The following ALK variants were observed in gnomAD, a reference collection of about 807,000 sequenced individuals.
ALK encodes ALK tyrosine kinase receptor.
ALK carries 74 observed loss-of-function variants against 163.1 expected under a neutral mutation model. The observed-to-expected ratio is 0.45, with a 90% confidence interval of 0.38 to 0.55. The LOEUF is 0.55. Among genes scored for constraint, ALK ranks in the 20% least tolerant of loss-of-function variants. The pLI is 0.00. For missense variants in ALK, 2,063 were observed against 2,105.3 expected (o/e 0.98, Z 0.39); for synonymous variants, 960 against 843.2 (o/e 1.14, Z -2.40).
At chr2:29,274,832 G>T (rs1195856559) in intron 11 of ALK, among the ~76,000 whole-genome samples, 1 of 152,170 alleles carries the variant, frequency 6.6e-6, no homozygotes, top group Non-Finnish European at 1.5e-5. Context: ...TGCCAGCTTG[G>T]TTCTCTCCTT....
chr2:29,457,955 T>C (rs1670999219), intron 4 of ALK, among the ~76,000 whole-genome samples: 1 of 152,112 alleles, frequency 6.6e-6, no homozygotes, highest in Admixed American at 6.6e-5. Flanking sequence ...TCATCAATAC[T>C]TTAGGAAGTC....
chr2:29,802,316 TGGGAG>T (rs1664487521), intron 1 of ALK, among the ~76,000 whole-genome samples: 1 of 28,790 alleles, frequency 3.5e-5, no homozygotes, highest in Admixed American at 4.3e-4. Flanking sequence ...GGGAAGGGGA[TGGGAG>T]GGGAGAGGAG....
At chr2:29,431,227 C>G (rs551170598) in intron 4 of ALK, among the ~76,000 whole-genome samples, 1 of 152,216 alleles carries the variant, frequency 6.6e-6, no homozygotes, top group East Asian at 1.9e-4. Context: ...GTTTGAAAAT[C>G]TAACCAAATG....
At chr2:29,536,679 G>T (rs535875046) in intron 3 of ALK, among the ~76,000 whole-genome samples, 13 of 152,124 alleles carry the variant, frequency 8.5e-5, no homozygotes, top group African/African-American at 3.1e-4. Flanking sequence ...GAATTTGGGC[G>T]GGAGAAGCTC....
intron 3 of ALK, among the ~76,000 whole-genome samples, chr2:29,584,246 T>C (rs1279802023): frequency 6.6e-6 from 1 of 152,210 alleles, no homozygotes; most frequent in African/African-American, 2.4e-5. Context: ...CATTCCATGA[T>C]AGGAACCCTC....
intron 1 of ALK, among the ~76,000 whole-genome samples, chr2:29,816,965 C>T (rs1664914416): frequency 6.6e-6 from 1 of 152,164 alleles, no homozygotes; most frequent in African/African-American, 2.4e-5. Flanking sequence ...TATTGAGTGC[C>T]TAACTTTGGG....
chr2:29,230,157 T>C (rs1244491478), intron 15 of ALK, among the ~76,000 whole-genome samples: 1 of 152,124 alleles, frequency 6.6e-6, no homozygotes, highest in Non-Finnish European at 1.5e-5. Flanking sequence ...AGTGGCATAG[T>C]ATTTGCACAT....
At chr2:29,811,327 C>A (rs1228099706) in intron 1 of ALK, among the ~76,000 whole-genome samples, 1 of 152,102 alleles carries the variant, frequency 6.6e-6, no homozygotes, top group East Asian at 1.9e-4. Context: ...GATGGAAAGC[C>A]AGGGTCTCTC....
chr2:29,435,547 CT>C (rs1331919228), intron 4 of ALK, among the ~76,000 whole-genome samples: 2 of 151,998 alleles, frequency 1.3e-5, no homozygotes, highest in African/African-American at 4.8e-5. Flanking sequence ...ATATTACCCC[CT>C]CTCCCAATCT....
At chr2:29,364,938 GA>G (rs1668467108) in intron 5 of ALK, among the ~76,000 whole-genome samples, 1 of 152,174 alleles carries the variant, frequency 6.6e-6, no homozygotes, top group African/African-American at 2.4e-5. Flanking sequence ...AGCTTGTTTT[GA>G]ACATTTCTTG....
At chr2:29,608,272 T>C (rs773417919) in intron 3 of ALK, among the ~76,000 whole-genome samples, 19 of 152,240 alleles carry the variant, frequency 1.2e-4, no homozygotes, top group Non-Finnish European at 2.4e-4. Flanking sequence ...GTTAGCTGTC[T>C]GTCTTCCCTC....
intron 1 of ALK, among the ~76,000 whole-genome samples, chr2:29,738,876 A>C (rs1276583012): frequency 6.6e-6 from 1 of 152,098 alleles, no homozygotes; most frequent in Non-Finnish European, 1.5e-5. Context: ...ATCCAGTTCC[A>C]AAAATAGCAA....
In ALK at chr2:29,222,568, G is replaced by A. The variant is rs1294436101; in HGVS notation, c.3399C>T (p.Gly1133=). The change falls in exon 21 of 29, where the codon GGC becomes GGT. Residue 1133 remains glycine (G), a synonymous_variant. Transcript: ENST00000389048. The stretch of plus-strand genomic sequence containing the variant: ...GGTCGTTGGGCATTCCGGACACCTG[G>A]CCTTCATACACCTCCCCAAAGGCGC... ...GHGAFGEVYE[G]QVSGMPNDPS... 3 of 1,613,952 alleles carry A rather than the reference G, an allele frequency of 1.9e-6. No individual in the cohort carries two copies. The highest frequency in any genetic ancestry group is 2.5e-6 in the Non-Finnish European group (3 of 1,180,032).
At chr2:29,839,535 T>A (rs1313021372) in intron 1 of ALK, among the ~76,000 whole-genome samples, 1 of 152,128 alleles carries the variant, frequency 6.6e-6, no homozygotes, top group Non-Finnish European at 1.5e-5. Flanking sequence ...TTATGGAAAT[T>A]TCAGAGTCAG....
Position 29,426,703 on chromosome 2 carries a change from T to C in ALK, c.1155-42844A>G, listed in dbSNP as rs188608653. On this transcript the variant is annotated intron_variant, in intron 4 of 28. Transcript: ENST00000389048. ...TAACTATGTAATTATAAAAGACTTT[T>C]TTAATACATAGTTCTTGTCCTTCTT... Among the ~76,000 whole-genome samples, 622 of 152,256 alleles carry C rather than the reference T, an allele frequency of 4.1e-3. 9 individuals carry two copies. Among genetic ancestry groups the C allele is most frequent in the African/African-American group, 0.014 (592 of 41,548 alleles).
At chr2:29,729,664 C>A (rs945389685) in intron 1 of ALK, among the ~76,000 whole-genome samples, 1 of 152,226 alleles carries the variant, frequency 6.6e-6, no homozygotes, top group African/African-American at 2.4e-5. Flanking sequence ...CTCCCACCCC[C>A]TCCAAATCGC....
At position 29,702,885 on chromosome 2, in the gene ALK, A is replaced by C. The variant is rs182123691; in HGVS notation, c.788-7871T>G. ...CCACTGGGTCTGTCCCATGACATGT[A>C]GGGATTATGGGAGCTACAATTCAAG... On this transcript the variant is annotated intron_variant, in intron 2 of 28. Coordinates refer to ENST00000389048, the MANE Select transcript of ALK (RefSeq NM_004304.5). Among the ~76,000 whole-genome samples the C allele has an allele frequency of 2.0e-5, 3 of 152,332 alleles. No individual in the cohort carries two copies. The East Asian group carries it at 5.8e-4, about 29-fold the overall frequency.
intron 3 of ALK, among the ~76,000 whole-genome samples, chr2:29,648,075 C>A (rs1378339159): frequency 6.6e-6 from 1 of 152,094 alleles, no homozygotes; most frequent in African/African-American, 2.4e-5. Context: ...TGTGTTCAAC[C>A]CTCTCCATGA....
At chr2:29,735,189 GC>G (rs1219994447) in intron 1 of ALK, among the ~76,000 whole-genome samples, 7 of 151,136 alleles carry the variant, frequency 4.6e-5, no homozygotes, top group Non-Finnish European at 1.0e-4. Flanking sequence ...GCAAGAGAAA[GC>G]CCTACAGGGG....
Sources: gnomAD v4.1 joint callset for allele counts (sites outside exome capture counted in the v4.1 genomes callset) on GRCh38, gnomAD v4.1.1 for gene constraint, MANE v1.5 for transcripts, NCBI Gene and HGNC (gene_info 2026-07-23, HGNC 2026-07-21) for gene names.